The following SLC16A1 variants were observed in gnomAD, a reference collection of about 807,000 sequenced individuals.
SLC16A1 encodes solute carrier family 16 member 1, also known as monocarboxylate transporter 1.
A neutral mutation model predicts 32.2 loss-of-function variants in SLC16A1; 11 were observed. The observed-to-expected ratio is 0.34, with a 90% CI of 0.21 to 0.56. The LOEUF is 0.56. Among genes scored for constraint, SLC16A1 ranks in the 20% least tolerant of loss-of-function variants. The probability of loss-of-function intolerance (pLI) is 0.87; values close to 1 mark genes in which losing one functional copy is unlikely to be tolerated. For missense variants in SLC16A1, 435 were observed against 615.0 expected, an observed-to-expected ratio of 0.71 and a Z score of 3.10; for synonymous variants, 231 against 226.8, an observed-to-expected ratio of 1.02 and a Z score of -0.17.
intron 2 of SLC16A1, chr1:112,923,867 C>A (rs1029853560): frequency 2.0e-6 from 3 of 1,516,072 alleles, no homozygotes; most frequent in Admixed American, 1.7e-5. Flanking sequence ...GCATGTACAA[C>A]GCCACCACCC....
At chr1:112,931,248 A>G (rs893830537) in intron 1 of SLC16A1, among the ~76,000 whole-genome samples, 1 of 152,148 alleles carries the variant, frequency 6.6e-6, no homozygotes, top group Non-Finnish European at 1.5e-5. Flanking sequence ...TTTTATCTTA[A>G]TAGCTTTGAT....
chr1:112,918,228 T>G (rs1648590070), intron 3 of SLC16A1, among the ~76,000 whole-genome samples, 184 bp from the exon 4 acceptor site: 1 of 152,232 alleles, frequency 6.6e-6, no homozygotes, highest in African/African-American at 2.4e-5. Flanking sequence ...CAGTGCTTAC[T>G]GGTTGCATAA....
At chr1:112,920,402 T>C (rs1648679226) in intron 3 of SLC16A1, among the ~76,000 whole-genome samples, 1 of 151,998 alleles carries the variant, frequency 6.6e-6, no homozygotes. Context: ...GGTCAGGAGT[T>C]TGAGACCAGC....
chr1:112,919,473 G>A (rs1332228537), intron 3 of SLC16A1, among the ~76,000 whole-genome samples: 15 of 151,708 alleles, frequency 9.9e-5, no homozygotes, highest in Admixed American at 9.8e-4. Context: ...GAAAAAGTGG[G>A]ACCAACCAGA....
chr1:112,954,752 T>C (rs1650015920), intron 1 of SLC16A1, among the ~76,000 whole-genome samples: 1 of 152,186 alleles, frequency 6.6e-6, no homozygotes, highest in African/African-American at 2.4e-5. Context: ...CCAAAATGAA[T>C]TACTGAAATA....
chr1:112,950,923 G>C (rs550640057), intron 1 of SLC16A1, among the ~76,000 whole-genome samples: 6 of 152,188 alleles, frequency 3.9e-5, no homozygotes, highest in Admixed American at 6.5e-5. Flanking sequence ...CTTGAGCCCA[G>C]GAGTTACAGG....
intron 1 of SLC16A1, among the ~76,000 whole-genome samples, chr1:112,952,432 AAT>A (rs1274733614): frequency 2.2e-4 from 34 of 152,224 alleles, no homozygotes; most frequent in African/African-American, 6.5e-4. Context: ...AAACAAATGT[AAT>A]ATGTTACCTT....
At chr1:112,931,575 G>A (rs900691505) in intron 1 of SLC16A1, among the ~76,000 whole-genome samples, 5 of 150,134 alleles carry the variant, frequency 3.3e-5, no homozygotes, top group Non-Finnish European at 7.4e-5. Context: ...AACCCGGGAG[G>A]CGGAGGTTGC....
rs1649202299 is a variant in SLC16A1 at position 112,933,416 on chromosome 1, ACTG to A, written c.-44-4067_-44-4065del. Among the ~76,000 whole-genome samples the A allele has an allele frequency of 1.0e-4, 15 of 150,622 alleles. No individual in the cohort carries two copies. In the Admixed American group the frequency reaches 1.0e-3, roughly 10 times the overall value. The stretch of plus-strand genomic sequence containing the variant: ...GGTTGCAGTGAGCTGAGATCACGCC[ACTG>A]CACTCCAGCATGGCCGACACAGCGA... On this transcript the variant is annotated intron_variant, in intron 1 of 4. Transcript: ENST00000369626.
At chr1:112,919,043 A>ATTTATTTT (rs1225510570) in intron 3 of SLC16A1, among the ~76,000 whole-genome samples, 3 of 151,188 alleles carry the variant, frequency 2.0e-5, no homozygotes, top group Admixed American at 1.3e-4. Context: ...TTATTTATTT[A>ATTTATTTT]TTTTTGAGAC....
intron 2 of SLC16A1, 194 bp downstream of exon 2, chr1:112,928,898 T>C: frequency 1.7e-6 from 1 of 587,320 alleles, no homozygotes; most frequent in Non-Finnish European, 3.0e-6. Flanking sequence ...TGTTTTGAAA[T>C]ACTACAGTAT....
At chr1:112,923,652 C>T in intron 2 of SLC16A1, 2 of 1,477,318 alleles carry the variant, frequency 1.4e-6, no homozygotes, top group Non-Finnish European at 1.9e-6. Context: ...ACTGAAGTGG[C>T]TGCAGTGTCC....
At chr1:112,930,102 A>C (rs536524066) in intron 1 of SLC16A1, among the ~76,000 whole-genome samples, 1 of 152,320 alleles carries the variant, frequency 6.6e-6, no homozygotes, top group African/African-American at 2.4e-5. Context: ...TAGCAAATTA[A>C]TCAAACCCAA....
chr1:112,940,752 ACTT>A (rs1306663170), intron 1 of SLC16A1, among the ~76,000 whole-genome samples: 26 of 152,204 alleles, frequency 1.7e-4, no homozygotes, highest in African/African-American at 3.9e-4. Context: ...GTATGCACAT[ACTT>A]CTTATTAAAA....
At chr1:112,950,899 CTGAGGT>C (rs550229919) in intron 1 of SLC16A1, among the ~76,000 whole-genome samples, 342 of 152,208 alleles carry the variant, frequency 2.2e-3, no homozygotes, top group African/African-American at 8.1e-3. Context: ...ACTCAAGAGG[CTGAGGT>C]GGCTCTGCTT....
chr1:112,928,287 T>C (rs552934845), intron 2 of SLC16A1, among the ~76,000 whole-genome samples: 1 of 152,344 alleles, frequency 6.6e-6, no homozygotes, highest in Non-Finnish European at 1.5e-5. Flanking sequence ...CACGATCATA[T>C]ATTACTGTCT....
intron 1 of SLC16A1, among the ~76,000 whole-genome samples, chr1:112,938,838 A>G (rs915276260): frequency 1.6e-4 from 24 of 151,806 alleles, no homozygotes; most frequent in African/African-American, 4.8e-4. Context: ...GTTTAAAATT[A>G]TTTACATAGA....
At chr1:112,944,369 C>A (rs1158072415) in intron 1 of SLC16A1, among the ~76,000 whole-genome samples, 1 of 152,094 alleles carries the variant, frequency 6.6e-6, no homozygotes, top group East Asian at 1.9e-4. Flanking sequence ...CACTTGAGCC[C>A]AGGAGGTGGA....
chr1:112,912,036 TCTC>T lies in SLC16A1; in HGVS notation c.*1852_*1854del, dbSNP rs1405249512. The T allele has an allele frequency of 6.6e-6, 1 of 152,212 alleles. No homozygotes were observed. Among genetic ancestry groups the T allele is most frequent in the African/African-American group, 2.4e-5 (1 of 41,452 alleles). 9.4% of individuals were successfully genotyped at this position (152,212 alleles called of 1,614,324 possible). A position where few individuals can be genotyped will look rare whatever the true frequency, so the allele number is the denominator to read the frequency against. The stretch of plus-strand genomic sequence containing the variant: ...CTGCCAATACTCTCAGCAGCAGTTT[TCTC>T]CTCTAACACTCTTCCTCTATCTGCC... On this transcript the variant is annotated 3_prime_UTR_variant, in exon 5 of 5. Transcript: ENST00000369626.
Sources: gnomAD v4.1 joint callset for allele counts (sites outside exome capture counted in the v4.1 genomes callset) on GRCh38, gnomAD v4.1.1 for gene constraint, MANE v1.5 for transcripts, NCBI Gene and HGNC (gene_info 2026-07-23, HGNC 2026-07-21) for gene names.